Variants in ARHGEF38 observed in about 807,000 individuals in gnomAD.
ARHGEF38 encodes Rho guanine nucleotide exchange factor 38, also known as Rho guanine nucleotide exchange factor (GEF) 38.
Under a neutral mutation model 79.9 loss-of-function variants are expected in ARHGEF38, and 79 were observed. The observed-to-expected ratio is 0.99, with a 90% CI of 0.82 to 1.19. ARHGEF38 has a LOEUF of 1.19. ARHGEF38 is among the 50% of genes most tolerant of loss of function. The pLI is 0.00. For synonymous variants in ARHGEF38, 366 were observed against 328.3 expected, an observed-to-expected ratio of 1.11 and a Z score of -1.24; for missense variants, 962 against 907.2, an observed-to-expected ratio of 1.06 and a Z score of -0.78.
chr4:105,625,511 C>T (rs1197964052), intron 3 of ARHGEF38, among the ~76,000 whole-genome samples: 1 of 152,228 alleles, frequency 6.6e-6, no homozygotes, highest in Non-Finnish European at 1.5e-5. Flanking sequence ...CCTTCCAGCT[C>T]ACAGCTCCAC....
chr4:105,585,156 A>G (rs1578279275), intron 1 of ARHGEF38, among the ~76,000 whole-genome samples: 1 of 112,820 alleles, frequency 8.9e-6, no homozygotes, highest in Non-Finnish European at 2.1e-5. Context: ...GAGACTGTAG[A>G]GAAAGTAACC....
chr4:105,645,592 A>T (rs938389535), intron 6 of ARHGEF38, among the ~76,000 whole-genome samples: 1 of 152,218 alleles, frequency 6.6e-6, no homozygotes, highest in African/African-American at 2.4e-5. Context: ...AATGAAATTA[A>T]AAAATAAATC....
At chr4:105,563,806 A>G (rs944388297) in intron 1 of ARHGEF38, among the ~76,000 whole-genome samples, 3 of 152,254 alleles carry the variant, frequency 2.0e-5, no homozygotes, top group Non-Finnish European at 4.4e-5. Flanking sequence ...TGAAGTGAAC[A>G]GTGACCAACA....
chr4:105,580,011 G>T (rs1726705091), intron 1 of ARHGEF38, among the ~76,000 whole-genome samples: 1 of 152,036 alleles, frequency 6.6e-6, no homozygotes, highest in African/African-American at 2.4e-5. Context: ...TTTCTAGTTT[G>T]TGTGCATTGT....
At position 105,679,393 on chromosome 4, in the gene ARHGEF38, C is replaced by T; in HGVS notation, c.*1456C>T. The T allele has an allele frequency of 7.2e-7, 1 of 1,393,414 alleles. No homozygotes were observed. 86.3% of individuals were successfully genotyped at this position (1,393,414 alleles called of 1,614,324 possible). On this transcript the variant is annotated 3_prime_UTR_variant, in exon 14 of 14. Transcript: ENST00000420470. ...CACACTCTGGTAATCTGAGACACTG[C>T]ATTACTATTCAGCTTTCTAAGTTCT...
Position 105,680,363 on chromosome 4 carries a change from T to C in ARHGEF38, c.*2426T>C. 4.1e-6 allele frequency: 1 copy of C among 245,764 alleles called. No homozygotes were observed. The highest frequency in any genetic ancestry group is 8.0e-6 in the Non-Finnish European group (1 of 124,574). The allele number at this position is 245,764 out of a possible 1,614,324, so 15.2% of individuals were successfully genotyped here. On this transcript the variant is annotated 3_prime_UTR_variant, in exon 14 of 14. Coordinates refer to ENST00000420470, the MANE Select transcript of ARHGEF38 (RefSeq NM_001242729.2). ...CACACTTGCTTATCTGTCCATTCAT[T>C]CATTGAACCAGTAAGTATTTATTGA...
chr4:105,625,708 G>C (rs544603993), intron 3 of ARHGEF38, among the ~76,000 whole-genome samples: 24 of 152,272 alleles, frequency 1.6e-4, no homozygotes, highest in African/African-American at 5.8e-4. Context: ...TTAATTACAT[G>C]GCCATACCAA....
intron 13 of ARHGEF38, among the ~76,000 whole-genome samples, chr4:105,674,706 T>G (rs184199627): frequency 1.5e-3 from 225 of 152,222 alleles, no homozygotes; most frequent in Non-Finnish European, 2.9e-3. Flanking sequence ...GGGTCATGAT[T>G]ATCTAAAGCA....
At chr4:105,629,229 C>T (rs961777079) in intron 3 of ARHGEF38, among the ~76,000 whole-genome samples, 1 of 152,086 alleles carries the variant, frequency 6.6e-6, no homozygotes, top group African/African-American at 2.4e-5. Context: ...ATACAGTGCT[C>T]AGCAAAGCTC....
intron 1 of ARHGEF38, among the ~76,000 whole-genome samples, chr4:105,582,269 T>G (rs59821895): frequency 2.1e-4 from 32 of 151,856 alleles, no homozygotes; most frequent in African/African-American, 7.2e-4. Context: ...GTTCTTAATT[T>G]CCTTTATTCT....
Position 105,677,929 on chromosome 4 carries a change from T to C in ARHGEF38, c.2326T>C (p.Tyr776His). Residue 776 changes from tyrosine (Y) to histidine (H), a missense_variant, in exon 14 of 14, where the codon TAT becomes CAT. Coordinates refer to ENST00000420470, the MANE Select transcript of ARHGEF38 (RefSeq NM_001242729.2). Reference sequence around the variant, plus strand: ...AGCTAACTACCTTGGAAAGATGACTTATGCTTAAGAAAATAAGCCTTCAAC... The same window carrying C: ...AGCTAACTACCTTGGAAAGATGACTCATGCTTAAGAAAATAAGCCTTCAAC... ...VPANYLGKMT[Y>H]A 6.6e-7 allele frequency: 1 copy of C among 1,505,208 alleles called. No individual in the cohort carries two copies. The highest frequency in any genetic ancestry group is 8.9e-7 in the Non-Finnish European group (1 of 1,126,948). The allele number at this position is 1,505,208 out of a possible 1,614,324, so 93.2% of individuals were successfully genotyped here.
chr4:105,641,380 G>A (rs11946652), intron 5 of ARHGEF38, among the ~76,000 whole-genome samples: 15,942 of 151,760 alleles, frequency 0.11, 1,251 homozygotes, highest in African/African-American at 0.21. Flanking sequence ...CTGTTACATC[G>A]GTTACTATTC....
At chr4:105,682,554 G>T, downstream of ARHGEF38, 1 of 546,922 alleles carries the variant, frequency 1.8e-6, no homozygotes, top group Non-Finnish European at 3.2e-6. Flanking sequence ...AAATGTTGAA[G>T]ATTGATTTAA....
Position 105,552,743 on chromosome 4 carries a change from T to C in ARHGEF38, c.-23T>C. The stretch of plus-strand genomic sequence containing the variant: ...AGCAATCAGCCATTGCCTGCAAGCC[T>C]CCAAAGCTTGTCTTTGCCTAATATG... On this transcript the variant is annotated 5_prime_UTR_variant, in exon 1 of 14. Transcript: ENST00000420470. 1 of 1,589,956 alleles carries C rather than the reference T, an allele frequency of 6.3e-7. No individual in the cohort carries two copies.
chr4:105,603,040 T>C lies in ARHGEF38; in HGVS notation c.385-10344T>C, dbSNP rs575875094. On this transcript the variant is annotated intron_variant, in intron 2 of 13. Transcript: ENST00000420470. ...CCAGATAAGGACTCTGGCAGTCCCA[T>C]CATTTTACAGATCAATGAACATCTG... Among the ~76,000 whole-genome samples, 5 of 152,218 alleles carry C rather than the reference T, an allele frequency of 3.3e-5. No individual in the cohort carries two copies. In the South Asian group the frequency reaches 8.3e-4, roughly 25 times the overall value.
At chr4:105,561,342 C>T (rs1725514323) in intron 1 of ARHGEF38, among the ~76,000 whole-genome samples, 1 of 151,492 alleles carries the variant, frequency 6.6e-6, no homozygotes, top group South Asian at 2.1e-4. Flanking sequence ...GCAGAAGTTA[C>T]AGTAAGCTGA....
intron 1 of ARHGEF38, among the ~76,000 whole-genome samples, chr4:105,573,796 C>T (rs1452937580): frequency 6.6e-6 from 1 of 151,532 alleles, no homozygotes; most frequent in East Asian, 1.9e-4. Flanking sequence ...TGCATAGAAT[C>T]TGTAAATCAC....
chr4:105,553,942 C>T (rs1725127111), intron 1 of ARHGEF38, among the ~76,000 whole-genome samples: 1 of 151,912 alleles, frequency 6.6e-6, no homozygotes, highest in Non-Finnish European at 1.5e-5. Flanking sequence ...TCTCTTTCCA[C>T]AAATATGAGC....
intron 6 of ARHGEF38, among the ~76,000 whole-genome samples, chr4:105,646,642 C>A (rs1729853174): frequency 1.3e-5 from 2 of 152,152 alleles, no homozygotes; most frequent in African/African-American, 4.8e-5. Flanking sequence ...AAGAGAGACT[C>A]TTGCCCATGT....
Sources: gnomAD v4.1 joint callset for allele counts (sites outside exome capture counted in the v4.1 genomes callset) on GRCh38, gnomAD v4.1.1 for gene constraint, MANE v1.5 for transcripts, NCBI Gene and HGNC (gene_info 2026-07-23, HGNC 2026-07-21) for gene names.